Variants in CCP110 observed in about 807,000 individuals in gnomAD.
The protein encoded by CCP110 is centriolar coiled-coil protein 110.
In CCP110, 43 loss-of-function variants were observed where a neutral mutation model predicts 105.5. The observed-to-expected ratio is 0.41, with a 90% CI of 0.32 to 0.53. The LOEUF is 0.53. Among genes scored for constraint, CCP110 ranks in the 20% least tolerant of loss-of-function variants. CCP110 has a pLI of 0.32. For missense variants in CCP110, 1,016 were observed against 1,189.1 expected (o/e 0.85, Z 2.14); for synonymous variants, 353 against 392.1 (o/e 0.90, Z 1.18).
chr16:19,550,857 G>C (rs1970614698), intron 14 of CCP110, among the ~76,000 whole-genome samples: 1 of 152,122 alleles, frequency 6.6e-6, no homozygotes, highest in Non-Finnish European at 1.5e-5. Flanking sequence ...TTTTGTGCTT[G>C]ACTAGAGTTT....
intron 9 of CCP110, 88 bp from the exon 10 acceptor site, chr16:19,545,006 C>A (rs1970413869): frequency 8.1e-6 from 8 of 982,656 alleles, no homozygotes; most frequent in Admixed American, 6.7e-5. Context: ...TAATCTTTTT[C>A]TATAAATAAG....
Position 19,534,575 on chromosome 16 carries a change from G to A in CCP110, c.271-1365G>A, listed in dbSNP as rs540195950. Among the ~76,000 whole-genome samples the A allele has an allele frequency of 7.4e-4, 112 of 152,258 alleles. 2 individuals are homozygous for A. Among genetic ancestry groups the A allele is most frequent in the African/African-American group, 2.6e-3 (106 of 41,552 alleles). On this transcript the variant is annotated intron_variant, in intron 3 of 14. Coordinates refer to ENST00000381396, the Ensembl canonical transcript of CCP110. ...CTGTTTTACTTAAACCTGTGAACAT[G>A]TTCATGGATTTCATAAATATGCATC...
rs530226812 is a variant in CCP110, at chr16:19,531,826, C to G, written c.142-590C>G. ...ACTAAAAATACAAAAATTAGCTGGG[C>G]GTGGTGGCACGCGCCTGTAAGCCCA... On this transcript the variant is annotated intron_variant, in intron 2 of 14. Transcript: ENST00000381396. Among the ~76,000 whole-genome samples the G allele has an allele frequency of 2.7e-3, 407 of 152,176 alleles. 3 individuals carry two copies. Among genetic ancestry groups the G allele is most frequent in the African/African-American group, 9.7e-3 (402 of 41,516 alleles).
At chr16:19,546,632 C>T (rs1239762531) in intron 12 of CCP110, 158 bp downstream of exon 12, 2 of 481,634 alleles carry the variant, frequency 4.2e-6, no homozygotes, top group East Asian at 7.4e-5. Flanking sequence ...GCCTGACCAA[C>T]ATGGAAAACC....
At position 19,536,899 on chromosome 16, in the gene CCP110, A is replaced by G. The variant is rs199584895; in HGVS notation, c.1230A>G (p.Leu410=). 6.8e-6 allele frequency: 11 copies of G among 1,614,190 alleles called. No individual in the cohort carries two copies. In the Admixed American group the frequency reaches 1.2e-4, roughly 17 times the overall value. The change falls in exon 4 of 15, where the codon TTA becomes TTG. Residue 410 remains leucine, a synonymous_variant. Coordinates refer to ENST00000381396, the Ensembl canonical transcript of CCP110. The stretch of plus-strand genomic sequence containing the variant: ...AAGGAAAAGAACAGGCAATGGACTT[A>G]ATTATTCAAGATACTGATGAAAACA...
At chr16:19,539,309 T>G (rs1023829354) in intron 4 of CCP110, among the ~76,000 whole-genome samples, 2 of 152,004 alleles carry the variant, frequency 1.3e-5, no homozygotes, top group African/African-American at 4.8e-5. Context: ...CTCTTAGGGC[T>G]TATGGGAAAT....
intron 8 of CCP110, 78 bp downstream of exon 8, chr16:19,543,072 T>C: frequency 1.2e-6 from 1 of 829,492 alleles, no homozygotes; most frequent in Non-Finnish European, 2.0e-6. Flanking sequence ...GCTAACAGAT[T>C]AGTTCAGAAC....
chr16:19,528,740 T>G (rs1255967954), intron 2 of CCP110, among the ~76,000 whole-genome samples: 1 of 152,082 alleles, frequency 6.6e-6, no homozygotes. Flanking sequence ...TATAAAAACA[T>G]GTTAAAAAAT....
intron 11 of CCP110, chr16:19,546,147 C>A: frequency 1.9e-6 from 1 of 524,040 alleles, no homozygotes; most frequent in Non-Finnish European, 3.3e-6. Flanking sequence ...AACAGTTAAT[C>A]TTTATATTCA....
exon 4 of CCP110, chr16:19,536,766 G>A (rs1201063249): frequency 6.2e-7 from 1 of 1,613,980 alleles, no homozygotes; most frequent in Admixed American, 1.7e-5. Flanking sequence ...AAATTACCTA[G>A]TCCAGAGCCA....
At chr16:19,541,645 GAGAGGAGA>G (rs1970283394) in intron 5 of CCP110, among the ~76,000 whole-genome samples, 1 of 82,754 alleles carries the variant, frequency 1.2e-5, no homozygotes, top group Non-Finnish European at 2.3e-5. Context: ...GAAAGAGAGA[GAGAGGAGA>G]GAGAGAGAGA....
chr16:19,542,830 T>C, intron 7 of CCP110, 48 bp from the exon 8 acceptor site: 1 of 1,520,160 alleles, frequency 6.6e-7, no homozygotes, highest in Non-Finnish European at 9.1e-7. Context: ...TATCTTAGAC[T>C]GTATAAATGA....
exon 15 of CCP110, chr16:19,552,997 C>T (rs1184381326): frequency 6.6e-6 from 1 of 152,194 alleles, no homozygotes; most frequent in African/African-American, 2.4e-5. Context: ...TGTGCTTTAT[C>T]ATTCTGAAAA....
chr16:19,536,178 C>T, exon 4 of CCP110: 1 of 1,613,972 alleles, frequency 6.2e-7, no homozygotes, highest in Non-Finnish European at 8.5e-7. Flanking sequence ...GGATTTAATT[C>T]TCCGAAGCAA....
chr16:19,540,141 A>G (rs540600727), intron 4 of CCP110, among the ~76,000 whole-genome samples: 6 of 152,334 alleles, frequency 3.9e-5, no homozygotes, highest in Admixed American at 3.9e-4. Flanking sequence ...GGAAGCTTGT[A>G]TTGTCATAAT....
At chr16:19,531,339 AT>A (rs1029117889) in intron 2 of CCP110, among the ~76,000 whole-genome samples, 2 of 152,190 alleles carry the variant, frequency 1.3e-5, no homozygotes, top group Admixed American at 6.5e-5. Flanking sequence ...TTTTGAAATA[AT>A]TTTTTAATGA....
chr16:19,527,752 G>A (rs537815731), intron 1 of CCP110, 115 bp from the exon 2 acceptor site: 1 of 677,878 alleles, frequency 1.5e-6, no homozygotes, highest in South Asian at 3.1e-5. Context: ...ATTCTGGGAG[G>A]ACCAGTTATA....
chr16:19,545,111 C>A lies in CCP110; in HGVS notation c.2604C>A (p.Tyr868Ter). The A allele has an allele frequency of 1.2e-6, 2 of 1,607,042 alleles. No individual in the cohort carries two copies. Among genetic ancestry groups the A allele is most frequent in the Non-Finnish European group, 1.7e-6 (2 of 1,175,300 alleles). ...GTGCCTAGTTGCGAGCTGCCTTGTA[C>A]GGTATTCATGACATATTCTTTGTAA... is the stretch of plus-strand genomic sequence containing the variant. The change falls in exon 10 of 15, where the codon TAC becomes TAA. Residue 868 changes from tyrosine (Y) to a stop codon, truncating the protein, a stop_gained. Transcript: ENST00000381396. LOFTEE classifies it high-confidence loss of function.
At chr16:19,525,402 T>C (rs1235137361) in intron 1 of CCP110, 1 of 152,224 alleles carries the variant, frequency 6.6e-6, no homozygotes, top group Non-Finnish European at 1.5e-5. Flanking sequence ...GAGCAGTAGA[T>C]TTGTGGCTGG....
Sources: allele counts gnomAD v4.1 joint callset (sites outside exome capture counted in the v4.1 genomes callset), GRCh38; gene constraint gnomAD v4.1.1; transcripts MANE v1.5; gene names NCBI Gene and HGNC (gene_info 2026-07-23, HGNC 2026-07-21).